PRKAR1A: variants seen among roughly 807,000 people sequenced by gnomAD.
PRKAR1A encodes the protein protein kinase cAMP-dependent type I regulatory subunit alpha.
A neutral mutation model predicts 52.0 loss-of-function variants in PRKAR1A; 3 were observed. That is an observed-to-expected ratio of 0.06 (90% confidence interval 0.03 to 0.15). The LOEUF (loss-of-function observed/expected upper bound fraction) is 0.15. Ranked by LOEUF, PRKAR1A falls within the 10% of genes least tolerant of loss-of-function variation. The probability of loss-of-function intolerance (pLI) is 1.00; values close to 1 mark genes in which losing one functional copy is unlikely to be tolerated. For synonymous variants in PRKAR1A, 188 were observed against 168.4 expected (o/e 1.12, Z -0.90); for missense variants, 240 against 477.4 (o/e 0.50, Z 4.63).
the PRKAR1A span, among the ~76,000 whole-genome samples, chr17:68,504,180 C>T: frequency 6.6e-6 from 1 of 151,992 alleles, no homozygotes; most frequent in African/African-American, 2.4e-5. Context: ...AAATGTGGTA[C>T]AAGGCTGGGC....
the PRKAR1A span, among the ~76,000 whole-genome samples, chr17:68,417,816 C>T: frequency 3.1e-5 from 4 of 127,668 alleles, no homozygotes; most frequent in Admixed American, 1.0e-4. Context: ...GGCACGATCT[C>T]GGCTCCCAGG....
chr17:68,512,009 A>T (rs2085274572), upstream of PRKAR1A: 1 of 152,750 alleles, frequency 6.5e-6, no homozygotes, highest in African/African-American at 2.4e-5. Context: ...CAGAGGCGTC[A>T]AGGGAGGCCG....
the PRKAR1A span, among the ~76,000 whole-genome samples, chr17:68,429,280 G>A: frequency 6.6e-6 from 1 of 152,150 alleles, no homozygotes; most frequent in Admixed American, 6.5e-5. Flanking sequence ...ACAGAAAGGG[G>A]GTAAATGGAG....
chr17:68,428,963 TGATGACAACGAAGATGGGCGATG>T, the PRKAR1A span: 1 of 1,570,542 alleles, frequency 6.4e-7, no homozygotes, highest in Non-Finnish European at 8.7e-7. Context: ...ACATAAACCG[TGATGACAACGAAGATGGGCGATG>T]GATTCGCTTC....
At chr17:68,514,406 T>C (rs751910024) in intron 1 of PRKAR1A, among the ~76,000 whole-genome samples, 25 of 152,218 alleles carry the variant, frequency 1.6e-4, no homozygotes, top group Non-Finnish European at 3.1e-4. Flanking sequence ...GCTTAGTAAT[T>C]AGGAGTTGGA....
In PRKAR1A at chr17:68,530,924, A is replaced by G; in HGVS notation, c.*475A>G. The G allele has an allele frequency of 2.7e-6, 3 of 1,114,374 alleles. No homozygotes were observed. Among genetic ancestry groups the G allele is most frequent in the Non-Finnish European group, 3.3e-6 (3 of 907,612 alleles). 69.0% of individuals were successfully genotyped at this position (1,114,374 alleles called of 1,614,324 possible). On this transcript the variant is annotated 3_prime_UTR_variant, in exon 11 of 11. Coordinates refer to ENST00000589228, the MANE Select transcript of PRKAR1A (RefSeq NM_002734.5). Reference sequence around the variant, plus strand: ...AAAGATTAGGGAAAATGGATATAGAAAATCTTAGTATAGTAGAAAGACATC... The same window carrying G: ...AAAGATTAGGGAAAATGGATATAGAGAATCTTAGTATAGTAGAAAGACATC...
intron 11 of PRKAR1A, chr17:68,540,063 T>A: frequency 9.6e-7 from 1 of 1,045,428 alleles, no homozygotes; most frequent in Admixed American, 1.9e-5. Flanking sequence ...CTGTCATCAC[T>A]TGAGAGACAG....
chr17:68,477,940 C>T, the PRKAR1A span, among the ~76,000 whole-genome samples: 1 of 152,060 alleles, frequency 6.6e-6, no homozygotes, highest in African/African-American at 2.4e-5. Flanking sequence ...CCGAGCTGGT[C>T]GCAAACTCCT....
At chr17:68,516,228 C>T (rs571003343) in intron 2 of PRKAR1A, among the ~76,000 whole-genome samples, 13 of 152,018 alleles carry the variant, frequency 8.6e-5, no homozygotes, top group African/African-American at 1.5e-4. Flanking sequence ...TTGTGACCTA[C>T]GTATATGGCA....
the PRKAR1A span, among the ~76,000 whole-genome samples, chr17:68,443,203 T>A: frequency 3.3e-5 from 5 of 152,162 alleles, no homozygotes; most frequent in Non-Finnish European, 5.9e-5. Flanking sequence ...CTCCGCCTCC[T>A]GGGTTCAAGT....
At chr17:68,540,405 T>C in intron 11 of PRKAR1A, 1 of 453,172 alleles carries the variant, frequency 2.2e-6, no homozygotes, top group Non-Finnish European at 4.4e-6. Context: ...CCTAAGCTCC[T>C]GTATGACGGC....
intron 11 of PRKAR1A, chr17:68,539,452 G>C: frequency 6.7e-7 from 1 of 1,493,258 alleles, no homozygotes; most frequent in Non-Finnish European, 9.3e-7. Context: ...GCATTCCCCT[G>C]AGGCTTCCTC....
At chr17:68,498,927 G>GTCCTCGTTCACACCCCAGCTCTGCCTCT in the PRKAR1A span, among the ~76,000 whole-genome samples, 1 of 152,136 alleles carries the variant, frequency 6.6e-6, no homozygotes, top group East Asian at 1.9e-4. Flanking sequence ...TTTGCTTAGG[G>GTCCTCGTTCACACCCCAGCTCTGCCTCT]TCCTCGTTCA....
chr17:68,456,439 G>A, the PRKAR1A span, among the ~76,000 whole-genome samples: 1 of 152,198 alleles, frequency 6.6e-6, no homozygotes, highest in Non-Finnish European at 1.5e-5. Context: ...CTGATGCTCA[G>A]GGTGCACATT....
At chr17:68,517,969 G>A (rs142638822) in intron 2 of PRKAR1A, among the ~76,000 whole-genome samples, 55 of 152,302 alleles carry the variant, frequency 3.6e-4, no homozygotes, top group Non-Finnish European at 6.9e-4. Flanking sequence ...TATAGACCCC[G>A]TGCAAATCCG....
intron 11 of PRKAR1A, among the ~76,000 whole-genome samples, chr17:68,548,504 T>C (rs1415978154): frequency 6.6e-6 from 1 of 151,680 alleles, no homozygotes; most frequent in Admixed American, 6.6e-5. Context: ...CACTCCAGCC[T>C]GGGCAACAGA....
rs2085953255 is a variant in PRKAR1A at position 68,530,754 on chromosome 17, C to T, written c.*305C>T. 2 of 1,323,588 alleles carry T rather than the reference C, an allele frequency of 1.5e-6. No individual in the cohort carries two copies. The highest frequency in any genetic ancestry group is 1.6e-5 in the South Asian group (1 of 64,278). 82.0% of individuals were successfully genotyped at this position (1,323,588 alleles called of 1,614,324 possible). ...GCTTTTTGGTGAGGGCAGATCCCAG[C>T]ACCTATTGAATTACCATAGAGTAAT... On this transcript the variant is annotated 3_prime_UTR_variant, in exon 11 of 11. Transcript: ENST00000589228.
chr17:68,484,598 G>GGA, the PRKAR1A span, among the ~76,000 whole-genome samples: 1 of 151,804 alleles, frequency 6.6e-6, no homozygotes, highest in African/African-American at 2.4e-5. Flanking sequence ...TGATGAGAGT[G>GGA]GATGACCTTG....
intron 2 of PRKAR1A, among the ~76,000 whole-genome samples, chr17:68,519,695 T>G (rs2085543952): frequency 7.2e-6 from 1 of 139,754 alleles, no homozygotes; most frequent in African/African-American, 2.6e-5. Flanking sequence ...CTCTTGACAG[T>G]TGGTCTTTTG....
Sources: allele counts gnomAD v4.1 joint callset (sites outside exome capture counted in the v4.1 genomes callset), GRCh38; gene constraint gnomAD v4.1.1; transcripts MANE v1.5; gene names NCBI Gene and HGNC (gene_info 2026-07-23, HGNC 2026-07-21).